The following STEAP4 variants were observed in gnomAD, a reference collection of about 807,000 sequenced individuals.
The protein encoded by STEAP4 is STEAP4 metalloreductase.
STEAP4 carries 36 observed loss-of-function variants against 43.6 expected under a neutral mutation model. The ratio of observed to expected loss-of-function variants is 0.83; its 90% CI spans 0.63 to 1.09. The LOEUF is 1.09. Among genes scored for constraint, STEAP4 ranks in the 50% least tolerant of loss-of-function variants. The probability of loss-of-function intolerance (pLI) is 0.00; values close to 1 mark genes in which losing one functional copy is unlikely to be tolerated. For synonymous variants in STEAP4, 191 were observed against 196.7 expected, an observed-to-expected ratio of 0.97 and a Z score of 0.24; for missense variants, 495 against 546.5, an observed-to-expected ratio of 0.91 and a Z score of 0.94.
At position 88,279,334 on chromosome 7, in the gene STEAP4, T is replaced by C; in HGVS notation, c.*64A>G. On this transcript the variant is annotated 3_prime_UTR_variant, in exon 5 of 5. Transcript: ENST00000380079. ...ATTCTTCTTTAAACATTCAAAACCA[T>C]AGTTCAGAAATCCAGCTAAATTGAA... is the stretch of plus-strand genomic sequence containing the variant. The C allele has an allele frequency of 1.3e-6, 2 of 1,493,732 alleles. No homozygotes were observed. Among genetic ancestry groups the C allele is most frequent in the South Asian group, 1.2e-5 (1 of 85,082 alleles). The allele number at this position is 1,493,732 out of a possible 1,614,324, so 92.5% of individuals were successfully genotyped here.
At chr7:88,282,494 A>T in intron 3 of STEAP4, 147 bp downstream of exon 3, 1 of 867,040 alleles carries the variant, frequency 1.2e-6, no homozygotes, top group Non-Finnish European at 1.7e-6. Flanking sequence ...GATTCATTTT[A>T]AAAAACTGAC....
chr7:88,279,233 C>T lies in STEAP4; in HGVS notation c.*165G>A. 3.2e-6 allele frequency: 2 copies of T among 630,866 alleles called. No individual in the cohort carries two copies. The highest frequency in any genetic ancestry group is 3.9e-5 in the South Asian group (2 of 51,012). 39.1% of individuals were successfully genotyped at this position (630,866 alleles called of 1,614,324 possible). On this transcript the variant is annotated 3_prime_UTR_variant, in exon 5 of 5. Transcript: ENST00000380079. ...AAAATGGTGTTCTCTTCCAGTATGT[C>T]AGTCAATTTCTCAAAGACAAGCAAT...
intron 1 of STEAP4, among the ~76,000 whole-genome samples, chr7:88,286,482 A>G (rs1313589532): frequency 6.6e-6 from 1 of 152,122 alleles, no homozygotes; most frequent in Admixed American, 6.6e-5. Context: ...TTTGTCAAAT[A>G]TCAAAGATTT....
rs912372307 is a variant in STEAP4 at position 88,284,078 on chromosome 7, G to A, written c.192C>T (p.Val64=). 28 of 1,613,992 alleles carry A rather than the reference G, an allele frequency of 1.7e-5. No individual in the cohort carries two copies. The highest frequency in any genetic ancestry group is 2.1e-5 in the Non-Finnish European group (25 of 1,180,014). ...KTTLLPSGAE[V]LSYSEAAKKS... ...TCTTGGCTGCTTCTGAATAGCTCAAGACTTCTGCACCACTGGGCAGTAGGG... is the reference window on the plus strand; with the variant it reads ...TCTTGGCTGCTTCTGAATAGCTCAAAACTTCTGCACCACTGGGCAGTAGGG... Residue 64 remains valine, a synonymous_variant, in exon 2 of 5, where the codon GTC becomes GTT. Coordinates refer to ENST00000380079, the MANE Select transcript of STEAP4 (RefSeq NM_024636.4).
intron 1 of STEAP4, among the ~76,000 whole-genome samples, chr7:88,286,969 A>C (rs1034749982): frequency 6.6e-6 from 1 of 152,122 alleles, no homozygotes; most frequent in Non-Finnish European, 1.5e-5. Context: ...ACAGCTACAG[A>C]CACCTTGTAA....
intron 3 of STEAP4, chr7:88,282,050 T>C (rs1387658895): frequency 2.0e-5 from 3 of 152,224 alleles, no homozygotes; most frequent in Non-Finnish European, 2.9e-5. Context: ...TTAGGTTTCT[T>C]GAGCCATGAA....
intron 1 of STEAP4, among the ~76,000 whole-genome samples, chr7:88,284,793 G>C (rs76817346): frequency 6.6e-6 from 1 of 151,998 alleles, no homozygotes; most frequent in Non-Finnish European, 1.5e-5. Flanking sequence ...GAAAAAGTCT[G>C]TCATATCTGT....
chr7:88,304,740 C>T (rs966282503), intron 1 of STEAP4, among the ~76,000 whole-genome samples: 3 of 151,712 alleles, frequency 2.0e-5, no homozygotes, highest in African/African-American at 4.8e-5. Flanking sequence ...TTGATAAACA[C>T]GTCTAAATTA....
Position 88,280,940 on chromosome 7 carries a change from T to G in STEAP4, c.1124A>C (p.Asn375Thr). 13 of 1,610,786 alleles carry G rather than the reference T, an allele frequency of 8.1e-6. No individual in the cohort carries two copies. Among genetic ancestry groups the G allele is most frequent in the Non-Finnish European group, 1.1e-5 (13 of 1,178,816 alleles). Residue 375 changes from asparagine to threonine, a missense_variant, in exon 4 of 5, where the codon AAC (asparagine) becomes ACC (threonine). Transcript: ENST00000380079. ...TSLPSVSNAV[N>T]WREFRFVQSK... is the part of the protein sequence containing the mutation. ...CTGGACAAATCGGAACTCTCTCCAG[T>G]TGACTGCATTGCTAACAGATGGCAA... is the stretch of plus-strand genomic sequence containing the variant.
intron 1 of STEAP4, among the ~76,000 whole-genome samples, chr7:88,286,764 AACACACACACACACACACACAC>A (rs61360123): frequency 1.7e-4 from 23 of 133,768 alleles, no homozygotes; most frequent in African/African-American, 6.4e-4. Context: ...CATACATATA[AACACACACACACACACACACAC>A]ACACACACAC....
intron 1 of STEAP4, among the ~76,000 whole-genome samples, chr7:88,294,438 A>G (rs570261230): frequency 6.6e-6 from 1 of 152,270 alleles, no homozygotes; most frequent in South Asian, 2.1e-4. Flanking sequence ...TCTGGTCCCA[A>G]GCATTTCGGT....
rs1852512799 is a variant in STEAP4 at position 88,276,326 on chromosome 7, T to C, written c.*3072A>G. ...TCTTTTGCTTATCCCTGAAGGGAAG[T>C]ATTTTTAGTCCCAGATGCTGGAACT... On this transcript the variant is annotated 3_prime_UTR_variant, in exon 5 of 5. Transcript: ENST00000380079. The C allele has an allele frequency of 6.6e-6, 1 of 152,244 alleles. No homozygotes were observed. Among genetic ancestry groups the C allele is most frequent in the African/African-American group, 2.4e-5 (1 of 41,470 alleles). 9.4% of individuals were successfully genotyped at this position (152,244 alleles called of 1,614,324 possible).
Position 88,282,653 on chromosome 7 carries a change from T to G in STEAP4, c.972A>C (p.Leu324Phe). 1 of 1,612,842 alleles carries G rather than the reference T, an allele frequency of 6.2e-7. No homozygotes were observed. Among genetic ancestry groups the G allele is most frequent in the Non-Finnish European group, 8.5e-7 (1 of 1,179,138 alleles). ...RYYVRWRLGN[L>F]TVTQAILKKE... ...AGAAGAGATTTACCTGGGTAACGGT[T>G]AAGTTTCCCAATCTCCATCGTACAT... Residue 324 changes from leucine to phenylalanine, a missense_variant, in exon 3 of 5, where the codon TTA becomes TTC. Transcript: ENST00000380079.
At position 88,272,021 on chromosome 7, in the gene STEAP4, A is replaced by C. The variant is rs763513832; in HGVS notation, c.*7377T>G. On this transcript the variant is annotated 3_prime_UTR_variant, in exon 5 of 5. Transcript: ENST00000380079. ...TCCAGCTGGTTGGTGTAGTAGTTGT[A>C]GTTGGCACTGCCAACTACGAGTTCC... 1 of 152,216 alleles carries C rather than the reference A, an allele frequency of 6.6e-6. No individual in the cohort carries two copies. The highest frequency in any genetic ancestry group is 2.4e-5 in the African/African-American group (1 of 41,440). The allele number at this position is 152,216 out of a possible 1,614,324, so 9.4% of individuals were successfully genotyped here.
chr7:88,283,548 A>G (rs1852668105), intron 2 of STEAP4: 3 of 528,946 alleles, frequency 5.7e-6, no homozygotes, highest in Middle Eastern at 5.0e-4. Context: ...TTCACCAAGT[A>G]TTAGTTTCTA....
At chr7:88,296,106 T>C (rs987926768) in intron 1 of STEAP4, among the ~76,000 whole-genome samples, 2 of 152,198 alleles carry the variant, frequency 1.3e-5, no homozygotes, top group Admixed American at 1.3e-4. Context: ...AGAGTTGTCT[T>C]CCAAGAGCCA....
At chr7:88,302,876 C>T (rs540628784) in intron 1 of STEAP4, among the ~76,000 whole-genome samples, 12 of 149,770 alleles carry the variant, frequency 8.0e-5, no homozygotes, top group Admixed American at 8.0e-4. Flanking sequence ...ATTGCTTGAG[C>T]CCAGGAGATG....
chr7:88,305,247 A>G (rs930765637), intron 1 of STEAP4, among the ~76,000 whole-genome samples: 1 of 152,176 alleles, frequency 6.6e-6, no homozygotes, highest in Non-Finnish European at 1.5e-5. Flanking sequence ...GTACACATGT[A>G]CCATTTACTT....
Position 88,282,669 on chromosome 7 carries a change from C to A in STEAP4, c.956G>T (p.Trp319Leu). ...LVIPIRYYVR[W>L]RLGNLTVTQA... ...GGTAACGGTTAAGTTTCCCAATCTC[C>A]ATCGTACATAATATCGAATAGGAAT... The change falls in exon 3 of 5, where the codon TGG becomes TTG. Residue 319 changes from tryptophan to leucine, a missense_variant. Physicochemically the swap from Trp to Leu is moderately conservative, Grantham distance 61. Transcript: ENST00000380079. 1.2e-6 allele frequency: 2 copies of A among 1,613,844 alleles called. No individual in the cohort carries two copies. The highest frequency in any genetic ancestry group is 1.7e-6 in the Non-Finnish European group (2 of 1,179,904).
Sources: gnomAD v4.1 joint callset for allele counts (sites outside exome capture counted in the v4.1 genomes callset) on GRCh38, gnomAD v4.1.1 for gene constraint, MANE v1.5 for transcripts, NCBI Gene and HGNC (gene_info 2026-07-23, HGNC 2026-07-21) for gene names.